AHI1: variants seen among roughly 807,000 people sequenced by gnomAD.
AHI1 encodes Abelson helper integration site 1.
In AHI1, 123 loss-of-function variants were observed where a neutral mutation model predicts 149.3. The observed-to-expected ratio is 0.82, with a 90% confidence interval of 0.71 to 0.96. The LOEUF (loss-of-function observed/expected upper bound fraction) is 0.96. Ranked by LOEUF, AHI1 falls within the 40% of genes least tolerant of loss-of-function variation. The probability of loss-of-function intolerance (pLI) is 0.00; values close to 1 mark genes in which losing one functional copy is unlikely to be tolerated. For missense variants in AHI1, 1,439 were observed against 1,422.7 expected, an observed-to-expected ratio of 1.01 and a Z score of -0.18; for synonymous variants, 475 against 459.8, an observed-to-expected ratio of 1.03 and a Z score of -0.42.
At chr6:135,397,347 T>C (rs1779363172) in intron 22 of AHI1, among the ~76,000 whole-genome samples, 1 of 151,964 alleles carries the variant, frequency 6.6e-6, no homozygotes, top group African/African-American at 2.4e-5. Context: ...TTAATAATTT[T>C]ACAACAACAG....
rs189588659 is a variant in AHI1, at chr6:135,480,216, G to A, written c.135+10407C>T. On this transcript the variant is annotated intron_variant, in intron 5 of 28. Transcript: ENST00000265602. ...GGCTCACGCCTGTAATTGCACTTTG[G>A]GAACACAAGGCAGGAGGATCACATG... Among the ~76,000 whole-genome samples the A allele has an allele frequency of 3.2e-4, 48 of 152,190 alleles. No individual in the cohort carries two copies. In the East Asian group the frequency reaches 8.7e-3, roughly 28 times the overall value.
At chr6:135,468,264 TATTTA>T (rs959547473) in intron 5 of AHI1, among the ~76,000 whole-genome samples, 6 of 152,048 alleles carry the variant, frequency 3.9e-5, no homozygotes, top group Non-Finnish European at 4.4e-5. Flanking sequence ...TTAGAAGCAA[TATTTA>T]ATTTAAAACA....
In AHI1 at chr6:135,427,240, T is replaced by C; in HGVS notation, c.2691A>G (p.Pro897=). 6.2e-7 allele frequency: 1 copy of C among 1,610,762 alleles called. No homozygotes were observed. Residue 897 remains proline (P), a synonymous_variant, in exon 20 of 29, where the codon CCA becomes CCG. Coordinates refer to ENST00000265602, the MANE Select transcript of AHI1 (RefSeq NM_001134831.2). ...CACAGAATGCAACCATATTTTCAAA[T>C]GGATGATAAGAAATGTCTCGAATGG... ...KSPIRDISYH[P]FENMVAFCAF...
intron 22 of AHI1, among the ~76,000 whole-genome samples, chr6:135,397,673 T>G (rs1458544096): frequency 6.6e-6 from 1 of 152,044 alleles, no homozygotes; most frequent in Non-Finnish European, 1.5e-5. Flanking sequence ...GAACATGAAA[T>G]TGAATGCACA....
intron 24 of AHI1, among the ~76,000 whole-genome samples, chr6:135,329,070 G>A (rs930850862): frequency 6.6e-6 from 1 of 152,220 alleles, no homozygotes. Context: ...GCTTCATGAA[G>A]TGTGAAGAAA....
chr6:135,471,976 C>A (rs556677939), intron 5 of AHI1, among the ~76,000 whole-genome samples: 9 of 123,276 alleles, frequency 7.3e-5, no homozygotes, highest in African/African-American at 2.8e-4. Context: ...TGCGCCACTG[C>A]AGTCCGCAGT....
chr6:135,447,181 G>A, intron 12 of AHI1, 21 bp from the exon 13 acceptor site: 1 of 1,473,728 alleles, frequency 6.8e-7, no homozygotes, highest in African/African-American at 1.4e-5. Flanking sequence ...ATTAAAATAT[G>A]AAAATTTATA....
intron 7 of AHI1, among the ~76,000 whole-genome samples, chr6:135,464,301 C>T (rs1037652065): frequency 3.9e-5 from 6 of 152,034 alleles, no homozygotes; most frequent in African/African-American, 1.5e-4. Flanking sequence ...GAACAGCTAC[C>T]CTTTGCGTGC....
intron 22 of AHI1, among the ~76,000 whole-genome samples, chr6:135,404,273 C>A (rs780546464): frequency 7.2e-5 from 11 of 152,142 alleles, no homozygotes; most frequent in Admixed American, 1.3e-4. Context: ...CATAAAATAA[C>A]CTTGCTTGTA....
chr6:135,378,323 G>A (rs527961142), intron 23 of AHI1, among the ~76,000 whole-genome samples: 17 of 152,280 alleles, frequency 1.1e-4, no homozygotes, highest in African/African-American at 4.1e-4. Flanking sequence ...AGATTTAATA[G>A]ACTTCTAAAC....
At chr6:135,357,000 G>A (rs1161136023) in intron 24 of AHI1, among the ~76,000 whole-genome samples, 1 of 152,194 alleles carries the variant, frequency 6.6e-6, no homozygotes, top group African/African-American at 2.4e-5. Context: ...GTGCAGTGGT[G>A]CAATCTCGGC....
At chr6:135,478,190 T>C (rs112509230) in intron 5 of AHI1, among the ~76,000 whole-genome samples, 9,964 of 152,106 alleles carry the variant, frequency 0.066, 747 homozygotes, top group African/African-American at 0.18. Context: ...TACCTGAAAA[T>C]GTGGAAGTGA....
At chr6:135,397,182 TATTAG>T (rs1222145177) in intron 22 of AHI1, among the ~76,000 whole-genome samples, 1 of 151,934 alleles carries the variant, frequency 6.6e-6, no homozygotes, top group Non-Finnish European at 1.5e-5. Context: ...TTACTGTTAT[TATTAG>T]ATATTTGTTT....
At chr6:135,429,776 G>T in intron 18 of AHI1, 106 bp downstream of exon 18, 1 of 636,396 alleles carries the variant, frequency 1.6e-6, no homozygotes, top group Non-Finnish European at 2.6e-6. Context: ...CTTGGTGAGT[G>T]TGGGGACACT....
intron 26 of AHI1, 137 bp from the exon 27 acceptor site, chr6:135,300,695 T>C: frequency 6.9e-7 from 1 of 1,439,564 alleles, no homozygotes; most frequent in Non-Finnish European, 9.1e-7. Flanking sequence ...TATCTATGCC[T>C]GTCCTGAACA....
chr6:135,485,585 T>A (rs982577529), intron 5 of AHI1, among the ~76,000 whole-genome samples: 4 of 152,232 alleles, frequency 2.6e-5, no homozygotes, highest in African/African-American at 9.6e-5. Context: ...GAATCTGTAT[T>A]TTTGGAAAAT....
intron 23 of AHI1, among the ~76,000 whole-genome samples, chr6:135,375,355 T>C (rs886851553): frequency 6.6e-6 from 1 of 152,108 alleles, no homozygotes; most frequent in African/African-American, 2.4e-5. Context: ...TATTAGTATA[T>C]ATCATAAAAA....
chr6:135,393,297 T>A (rs138766319), intron 23 of AHI1, among the ~76,000 whole-genome samples: 1 of 152,304 alleles, frequency 6.6e-6, no homozygotes, highest in Non-Finnish European at 1.5e-5. Context: ...TTGTATGTAT[T>A]ATCTATATCT....
intron 27 of AHI1, among the ~76,000 whole-genome samples, chr6:135,292,109 T>TACAC (rs10646107): frequency 0.1 from 15,044 of 148,240 alleles, 1,635 homozygotes; most frequent in African/African-American, 0.28. Flanking sequence ...GGCAGCTAAT[T>TACAC]ACACACACAC....
Sources: gnomAD v4.1 joint callset for allele counts (sites outside exome capture counted in the v4.1 genomes callset) on GRCh38, gnomAD v4.1.1 for gene constraint, MANE v1.5 for transcripts, NCBI Gene and HGNC (gene_info 2026-07-23, HGNC 2026-07-21) for gene names.